Variants in EPS15L1 observed in about 807,000 individuals in gnomAD.
EPS15L1 encodes the protein epidermal growth factor receptor pathway substrate 15 like 1.
In EPS15L1, 43 loss-of-function variants were observed where a neutral mutation model predicts 117.1. The ratio of observed to expected loss-of-function variants is 0.37; its 90% confidence interval spans 0.29 to 0.47. The LOEUF (loss-of-function observed/expected upper bound fraction) is 0.47, where lower values mean the gene tolerates loss of function less well. Ranked by LOEUF, EPS15L1 falls within the 20% of genes least tolerant of loss-of-function variation. The pLI, the probability that EPS15L1 is intolerant of heterozygous loss-of-function variation, is 0.99. For synonymous variants in EPS15L1, 459 were observed against 470.5 expected (o/e 0.98, Z 0.32); for missense variants, 981 against 1,164.0 (o/e 0.84, Z 2.29).
chr19:16,467,235 G>A (rs1008354385), intron 1 of EPS15L1, among the ~76,000 whole-genome samples: 3 of 150,720 alleles, frequency 2.0e-5, no homozygotes, highest in Non-Finnish European at 4.4e-5. Context: ...TGCAACCTCC[G>A]CCTCCTGGGT....
At chr19:16,409,984 A>G (rs1568426915) in intron 13 of EPS15L1, among the ~76,000 whole-genome samples, 3 of 149,040 alleles carry the variant, frequency 2.0e-5, no homozygotes, top group South Asian at 2.1e-4. Flanking sequence ...AAAGAACCCA[A>G]TTAACCAGGT....
chr19:16,397,012 A>G (rs1457077347), intron 16 of EPS15L1, among the ~76,000 whole-genome samples: 1 of 152,172 alleles, frequency 6.6e-6, no homozygotes, highest in South Asian at 2.1e-4. Flanking sequence ...TTCCACAACA[A>G]TGTGAATATA....
At chr19:16,431,916 C>T (rs1568446413) in intron 7 of EPS15L1, among the ~76,000 whole-genome samples, 1 of 152,176 alleles carries the variant, frequency 6.6e-6, no homozygotes, top group African/African-American at 2.4e-5. Context: ...TGCAAGCTCA[C>T]TTATGCTTGT....
In EPS15L1 at chr19:16,385,110, C is replaced by T. The variant is rs370484313; in HGVS notation, c.2247+19G>A. 1 of 1,607,530 alleles carries T rather than the reference C, an allele frequency of 6.2e-7. No homozygotes were observed. Among genetic ancestry groups the T allele is most frequent in the South Asian group, 1.1e-5 (1 of 90,970 alleles). On this transcript the variant is annotated intron_variant, in intron 21 of 23. Coordinates refer to ENST00000455140, the MANE Select transcript of EPS15L1 (RefSeq NM_001258374.3). ...AAAGACACTAGCAGAGGCGCGGGGG[C>T]TCCGTGGAGGGGCTTTACCTTGGAC...
At position 16,471,081 on chromosome 19, in the gene EPS15L1, C is replaced by T. The variant is rs955103803; in HGVS notation, c.33+832G>A. Among the ~76,000 whole-genome samples, 1 of 152,160 alleles carries T rather than the reference C, an allele frequency of 6.6e-6. No homozygotes were observed. The highest frequency in any genetic ancestry group is 2.4e-5 in the African/African-American group (1 of 41,444). ...TGTGCTAGATCATTCTAGCAAAATG[C>T]TTATATGGTGCTTTGCACAACACAG... On this transcript the variant is annotated intron_variant, in intron 1 of 23. Coordinates refer to ENST00000455140, the MANE Select transcript of EPS15L1 (RefSeq NM_001258374.3). This position sits in a 1 kb window ranked among gnomAD's most constrained non-coding sequence, Gnocchi z 4.8.
chr19:16,444,337 G>GCC (rs1236112935), intron 1 of EPS15L1, among the ~76,000 whole-genome samples: 1 of 152,154 alleles, frequency 6.6e-6, no homozygotes, highest in Non-Finnish European at 1.5e-5. Context: ...AGCAACAGCA[G>GCC]CCCCAAGATG....
At chr19:16,367,332 A>T (rs2144655992) in intron 22 of EPS15L1, among the ~76,000 whole-genome samples, 1 of 151,932 alleles carries the variant, frequency 6.6e-6, no homozygotes, top group African/African-American at 2.4e-5. Flanking sequence ...GGGAGACTTC[A>T]TTAACAGGGG....
At chr19:16,378,359 C>T (rs1011204654) in intron 21 of EPS15L1, among the ~76,000 whole-genome samples, 1 of 152,090 alleles carries the variant, frequency 6.6e-6, no homozygotes, top group Non-Finnish European at 1.5e-5. Context: ...ACCCACTGAC[C>T]CCCCAGCCGC....
chr19:16,430,401 C>T (rs368533262), intron 7 of EPS15L1, among the ~76,000 whole-genome samples: 3 of 152,200 alleles, frequency 2.0e-5, no homozygotes, highest in East Asian at 3.9e-4. Flanking sequence ...CTTCTCCACC[C>T]TTCCACAACT....
intron 11 of EPS15L1, 46 bp from the exon 12 acceptor site, chr19:16,417,683 T>A: frequency 6.7e-7 from 1 of 1,503,360 alleles, no homozygotes; most frequent in African/African-American, 1.4e-5. Flanking sequence ...CAACCTGACA[T>A]CACCTGACAG....
chr19:16,465,244 C>T (rs2093293675), intron 1 of EPS15L1, among the ~76,000 whole-genome samples: 1 of 152,170 alleles, frequency 6.6e-6, no homozygotes, highest in South Asian at 2.1e-4. Flanking sequence ...ATGTCCAACA[C>T]CCAAATGGAA....
intron 1 of EPS15L1, among the ~76,000 whole-genome samples, chr19:16,464,348 C>T (rs1028800043): frequency 6.6e-6 from 1 of 152,208 alleles, no homozygotes; most frequent in African/African-American, 2.4e-5. Context: ...ACCACTCTGA[C>T]CAGCGGTAAA....
intron 22 of EPS15L1, among the ~76,000 whole-genome samples, chr19:16,374,859 A>ACACG (rs1263151800): frequency 1.3e-5 from 2 of 152,260 alleles, no homozygotes; most frequent in Non-Finnish European, 2.9e-5. Context: ...GTATGAGCAC[A>ACACG]CACGCACGCA....
chr19:16,372,836 C>T (rs2092243767), intron 22 of EPS15L1, among the ~76,000 whole-genome samples: 1 of 152,228 alleles, frequency 6.6e-6, no homozygotes, highest in South Asian at 2.1e-4. Flanking sequence ...CCCGGGGCCT[C>T]CCTTTCCTCC....
chr19:16,393,829 C>T (rs367927721), intron 18 of EPS15L1, 122 bp downstream of exon 18: 10 of 1,003,330 alleles, frequency 1.0e-5, no homozygotes, highest in East Asian at 7.2e-5. Flanking sequence ...GATGGACGGC[C>T]GTCCTTCCCA....
Position 16,404,646 on chromosome 19 carries a change from G to A in EPS15L1, c.1370C>T (p.Ala457Val). 6.2e-7 allele frequency: 1 copy of A among 1,614,162 alleles called. No homozygotes were observed. Among genetic ancestry groups the A allele is most frequent in the East Asian group, 2.2e-5 (1 of 44,880 alleles). Residue 457 changes from alanine (A) to valine (V), a missense_variant, in exon 14 of 24, where the codon GCC (alanine) becomes GTC (valine). Physicochemically the swap from Ala to Val is moderately conservative, Grantham distance 64. Around this residue, in one of 5 missense-constraint regions of EPS15L1, gnomAD observed 819 missense variants for 949.0 expected, o/e 0.86. Coordinates refer to ENST00000455140, the MANE Select transcript of EPS15L1 (RefSeq NM_001258374.3). This position sits in a 1 kb window ranked among gnomAD's most constrained non-coding sequence, Gnocchi z 4.2. Reference protein sequence around the residue: ...DRLDEMDQQKAKLRDMLSDVR... With the variant: ...DRLDEMDQQKVKLRDMLSDVR... Reference sequence around the variant, plus strand: ...GTCGCTCAGCATGTCTCGGAGCTTGGCCTTCTGCTGGTCCATCTCGTCCAG... The same window carrying A: ...GTCGCTCAGCATGTCTCGGAGCTTGACCTTCTGCTGGTCCATCTCGTCCAG...
At chr19:16,389,236 C>T (rs955198671) in intron 19 of EPS15L1, among the ~76,000 whole-genome samples, 14 of 151,452 alleles carry the variant, frequency 9.2e-5, no homozygotes, top group Non-Finnish European at 1.3e-4. Context: ...AGGAGGATTG[C>T]TTGAGCCTAG....
chr19:16,461,305 TAAAA>T (rs749124401), intron 1 of EPS15L1, among the ~76,000 whole-genome samples: 12 of 99,988 alleles, frequency 1.2e-4, no homozygotes, highest in African/African-American at 3.2e-4. Flanking sequence ...CTCCGTCTCT[TAAAA>T]AAAAAAAAAA....
intron 1 of EPS15L1, among the ~76,000 whole-genome samples, chr19:16,456,929 G>A (rs890207464): frequency 6.6e-6 from 1 of 152,100 alleles, no homozygotes; most frequent in African/African-American, 2.4e-5. Context: ...TGAAAAGACA[G>A]GATGTCATCC....
Sources: gnomAD v4.1 joint callset for allele counts (sites outside exome capture counted in the v4.1 genomes callset) on GRCh38, gnomAD v4.1.1 for gene constraint, gnomAD v4.1.1 regional missense constraint, Gnocchi (gnomAD v3.1) non-coding constraint, MANE v1.5 for transcripts, NCBI Gene and HGNC (gene_info 2026-07-23, HGNC 2026-07-21) for gene names.